The following CDIN1 variants were observed in gnomAD, a reference collection of about 807,000 sequenced individuals.
The protein encoded by CDIN1 is CDAN1-interacting nuclease 1.
In CDIN1, 33 loss-of-function variants were observed where a neutral mutation model predicts 45.3. The observed-to-expected ratio is 0.73, with a 90% CI of 0.55 to 0.97. The LOEUF is 0.97. CDIN1 is among the 50% of genes least tolerant of loss of function. CDIN1 has a pLI of 0.00. For synonymous variants in CDIN1, 118 were observed against 124.4 expected (o/e 0.95, Z 0.34); for missense variants, 303 against 339.4 (o/e 0.89, Z 0.84).
chr15:36,711,709 G>A (rs906139574), intron 10 of CDIN1, among the ~76,000 whole-genome samples: 15 of 152,136 alleles, frequency 9.9e-5, no homozygotes, highest in African/African-American at 2.7e-4. Context: ...GTGTGATACG[G>A]GAATGTTAGC....
At chr15:36,771,921 C>T (rs2054088899) in intron 10 of CDIN1, among the ~76,000 whole-genome samples, 1 of 82,168 alleles carries the variant, frequency 1.2e-5, no homozygotes, top group African/African-American at 3.7e-5. Context: ...GTGTGAGACT[C>T]AGTCTCAAAA....
intron 8 of CDIN1, among the ~76,000 whole-genome samples, chr15:36,701,127 T>TAGAC (rs1026778494): frequency 2.9e-5 from 1 of 34,648 alleles, no homozygotes; most frequent in Non-Finnish European, 6.8e-5. Context: ...GGTAGGTAGA[T>TAGAC]AGATAGATAG....
intron 1 of CDIN1, among the ~76,000 whole-genome samples, chr15:36,603,246 A>G (rs2038196358): frequency 6.6e-6 from 1 of 152,198 alleles, no homozygotes; most frequent in South Asian, 2.1e-4. Context: ...CTCAGAAGCT[A>G]AAGACACATT....
At chr15:36,747,441 T>G (rs1361244991) in intron 10 of CDIN1, among the ~76,000 whole-genome samples, 1 of 152,232 alleles carries the variant, frequency 6.6e-6, no homozygotes, top group Non-Finnish European at 1.5e-5. Flanking sequence ...GTTGTGTTTC[T>G]TTTCTTAACT....
chr15:36,759,473 G>A (rs925127798), intron 10 of CDIN1, among the ~76,000 whole-genome samples: 1 of 151,562 alleles, frequency 6.6e-6, no homozygotes, highest in African/African-American at 2.4e-5. Flanking sequence ...TTTTCTTGTG[G>A]AAGAAAGTCT....
intron 5 of CDIN1, among the ~76,000 whole-genome samples, chr15:36,689,528 G>C (rs1278678374): frequency 6.6e-6 from 1 of 152,196 alleles, no homozygotes; most frequent in Non-Finnish European, 1.5e-5. Context: ...CAACATAAAA[G>C]AATGTGTCTG....
At chr15:36,690,488 T>G (rs2042207967) in intron 5 of CDIN1, among the ~76,000 whole-genome samples, 2 of 152,066 alleles carry the variant, frequency 1.3e-5, no homozygotes, top group African/African-American at 4.8e-5. Context: ...CAGGATGGTC[T>G]TGATCTCCTG....
intron 1 of CDIN1, chr15:36,614,241 C>G (rs2038782304): frequency 1.6e-6 from 1 of 614,556 alleles, no homozygotes; most frequent in Non-Finnish European, 3.1e-6. Flanking sequence ...TCCCTCTGAC[C>G]CTGACTCCAC....
At chr15:36,618,844 TC>T (rs2039020834) in intron 1 of CDIN1, 7 of 843,672 alleles carry the variant, frequency 8.3e-6, no homozygotes, top group Non-Finnish European at 1.5e-5. Flanking sequence ...TACCAGTTTC[TC>T]CTCCAAGTAC....
chr15:36,768,390 TG>T (rs1398557814), intron 10 of CDIN1, among the ~76,000 whole-genome samples: 1 of 152,212 alleles, frequency 6.6e-6, no homozygotes, highest in Non-Finnish European at 1.5e-5. Context: ...TGCCAACACT[TG>T]ATGCACAGAC....
At chr15:36,743,935 T>C (rs960214248) in intron 10 of CDIN1, among the ~76,000 whole-genome samples, 1 of 151,130 alleles carries the variant, frequency 6.6e-6, no homozygotes, top group Non-Finnish European at 1.5e-5. Context: ...TGTAAACCCA[T>C]TGACTTAAAC....
chr15:36,665,262 T>C (rs552875494), intron 5 of CDIN1, among the ~76,000 whole-genome samples: 1 of 152,326 alleles, frequency 6.6e-6, no homozygotes, highest in South Asian at 2.1e-4. Context: ...AATGATTGTA[T>C]TGAAAGATTT....
intron 5 of CDIN1, among the ~76,000 whole-genome samples, chr15:36,669,551 T>C (rs1421824977): frequency 8.0e-6 from 1 of 124,670 alleles, no homozygotes; most frequent in Non-Finnish European, 1.7e-5. Flanking sequence ...ATTACTGTGA[T>C]ACATTTGTCA....
At chr15:36,612,763 A>G (rs546642946) in intron 1 of CDIN1, among the ~76,000 whole-genome samples, 1 of 152,272 alleles carries the variant, frequency 6.6e-6, no homozygotes, top group African/African-American at 2.4e-5. Flanking sequence ...TGGATGTTGT[A>G]AAGATAGAGA....
chr15:36,645,751 A>C (rs140427247), intron 3 of CDIN1, among the ~76,000 whole-genome samples: 1 of 152,156 alleles, frequency 6.6e-6, no homozygotes, highest in Admixed American at 6.5e-5. Flanking sequence ...AGGTATTAGG[A>C]TATCCATTTT....
intron 10 of CDIN1, among the ~76,000 whole-genome samples, chr15:36,746,164 T>A (rs1302331837): frequency 6.6e-6 from 1 of 152,154 alleles, no homozygotes; most frequent in Non-Finnish European, 1.5e-5. Flanking sequence ...ATAATTCATT[T>A]GATATGTGGC....
chr15:36,658,645 G>A (rs116079829), intron 5 of CDIN1, among the ~76,000 whole-genome samples: 3,049 of 152,180 alleles, frequency 0.02, 98 homozygotes, highest in African/African-American at 0.069. Context: ...TTATTACCTA[G>A]TATAATGTTT....
At chr15:36,779,733 A>G (rs537278920) in intron 10 of CDIN1, among the ~76,000 whole-genome samples, 44 of 152,264 alleles carry the variant, frequency 2.9e-4, no homozygotes, top group African/African-American at 9.9e-4. Context: ...AGGTTACCAG[A>G]CTTCTCTGGG....
intron 10 of CDIN1, among the ~76,000 whole-genome samples, chr15:36,733,783 G>A (rs570742909): frequency 6.6e-6 from 1 of 152,194 alleles, no homozygotes; most frequent in East Asian, 1.9e-4. Flanking sequence ...CAGTCTTTTC[G>A]CATATGATCT....
Sources: gnomAD v4.1 joint callset for allele counts (sites outside exome capture counted in the v4.1 genomes callset) on GRCh38, gnomAD v4.1.1 for gene constraint, MANE v1.5 for transcripts, NCBI Gene and HGNC (gene_info 2026-07-23, HGNC 2026-07-21) for gene names.